LNX1: variants seen among roughly 807,000 people sequenced by gnomAD.
The protein encoded by LNX1 is ligand of numb-protein X 1.
Under a neutral mutation model 68.4 loss-of-function variants are expected in LNX1, and 54 were observed. That is an observed-to-expected ratio of 0.79 (90% CI 0.63 to 0.99). The LOEUF (loss-of-function observed/expected upper bound fraction) is 0.99, where lower values mean the gene tolerates loss of function less well. LNX1 is among the 50% of genes least tolerant of loss of function. The pLI is 0.00. For missense variants in LNX1, 906 were observed against 926.4 expected (o/e 0.98, Z 0.29); for synonymous variants, 336 against 350.0 (o/e 0.96, Z 0.45).
chr4:53,619,371 C>A (rs148463575), upstream of LNX1, among the ~76,000 whole-genome samples: 234 of 152,256 alleles, frequency 1.5e-3, 1 homozygote, highest in African/African-American at 5.4e-3. Context: ...CTTTTCCCAG[C>A]CCTGGCAATC....
chr4:53,508,512 G>A, intron 2 of LNX1: 1 of 381,594 alleles, frequency 2.6e-6, no homozygotes, highest in South Asian at 3.4e-5. Context: ...AGGTCACCAT[G>A]GTGTCTACAT....
At chr4:53,468,989 C>T (rs1437433298) in intron 9 of LNX1, among the ~76,000 whole-genome samples, 2 of 152,146 alleles carry the variant, frequency 1.3e-5, no homozygotes, top group Non-Finnish European at 2.9e-5. Context: ...ACCAAGCAGA[C>T]CTAATAGACA....
At chr4:53,635,290 G>A (rs1287738697) in intron 1 of LNX1, among the ~76,000 whole-genome samples, 4 of 152,314 alleles carry the variant, frequency 2.6e-5, no homozygotes, top group Middle Eastern at 3.4e-3. Context: ...AAGCACTGAC[G>A]TTGTTTGAAC....
intron 2 of LNX1, 47 bp from the exon 3 acceptor site, chr4:53,508,274 G>A: frequency 6.3e-7 from 1 of 1,595,224 alleles, no homozygotes; most frequent in Non-Finnish European, 8.6e-7. Flanking sequence ...TGGCTCTGCT[G>A]CCATTCCTCA....
chr4:53,645,398 C>A (rs1734847844), intron 1 of LNX1, among the ~76,000 whole-genome samples: 1 of 152,136 alleles, frequency 6.6e-6, no homozygotes, highest in Non-Finnish European at 1.5e-5. Flanking sequence ...CTGTTCTCAG[C>A]ATTAAGTTGT....
upstream of LNX1, among the ~76,000 whole-genome samples, chr4:53,621,372 T>C (rs1309212641): frequency 6.6e-6 from 1 of 152,196 alleles, no homozygotes; most frequent in Non-Finnish European, 1.5e-5. Flanking sequence ...CCTGTGCATC[T>C]TCAGTACTAG....
At chr4:53,601,859 C>T (rs940355691) in intron 2 of LNX1, among the ~76,000 whole-genome samples, 1 of 152,146 alleles carries the variant, frequency 6.6e-6, no homozygotes, top group Admixed American at 6.5e-5. Context: ...CCAGTCATCT[C>T]AAAGTCAAAC....
chr4:53,472,782 T>TA (rs1723320404), intron 9 of LNX1, among the ~76,000 whole-genome samples: 2 of 145,290 alleles, frequency 1.4e-5, no homozygotes, highest in East Asian at 4.1e-4. Context: ...AAAGCAGATA[T>TA]AGAGGCCAAG....
intron 1 of LNX1, among the ~76,000 whole-genome samples, chr4:53,625,551 C>G (rs1416839478): frequency 7.2e-5 from 11 of 152,152 alleles, no homozygotes; most frequent in Admixed American, 7.2e-4. Context: ...AATCCCAGCA[C>G]TTTGGGAGGC....
intron 2 of LNX1, among the ~76,000 whole-genome samples, chr4:53,533,321 C>T (rs1412669321): frequency 6.6e-6 from 1 of 152,198 alleles, no homozygotes; most frequent in East Asian, 1.9e-4. Flanking sequence ...GCCCCATTCT[C>T]CCTTTAGCAA....
intron 2 of LNX1, among the ~76,000 whole-genome samples, chr4:53,519,871 T>A (rs902494903): frequency 6.6e-6 from 1 of 152,188 alleles, no homozygotes; most frequent in African/African-American, 2.4e-5. Context: ...ACCAACCATC[T>A]CAGATTGCCC....
intron 6 of LNX1, among the ~76,000 whole-genome samples, chr4:53,495,759 G>A (rs1342425323): frequency 6.6e-6 from 1 of 152,108 alleles, no homozygotes; most frequent in African/African-American, 2.4e-5. Flanking sequence ...GGCCAGGCTG[G>A]CCTTGAACTC....
At chr4:53,623,760 T>C (rs2668521) in intron 1 of LNX1, among the ~76,000 whole-genome samples, 108,707 of 151,634 alleles carry the variant, frequency 0.72, 39,534 homozygotes, top group East Asian at 0.91. Context: ...CACTAGCAAC[T>C]TGATTAGGTA....
At chr4:53,623,221 T>TA (rs1553944667) in intron 1 of LNX1, among the ~76,000 whole-genome samples, 1 of 151,244 alleles carries the variant, frequency 6.6e-6, no homozygotes, top group Admixed American at 6.6e-5. Context: ...TTTTTTTTTT[T>TA]AGGATGGAGT....
At chr4:53,558,217 G>A in intron 2 of LNX1, 2 of 1,274,156 alleles carry the variant, frequency 1.6e-6, no homozygotes, top group Non-Finnish European at 2.0e-6. Context: ...AGCTTAGGCT[G>A]AGAGCAGGCA....
intron 2 of LNX1, among the ~76,000 whole-genome samples, chr4:53,538,059 A>G (rs1345639029): frequency 6.6e-6 from 1 of 152,266 alleles, no homozygotes; most frequent in African/African-American, 2.4e-5. Context: ...TGAAATTTAC[A>G]TAGCAATTGG....
At chr4:53,461,330 C>A in intron 10 of LNX1, 105 bp downstream of exon 10, 1 of 918,280 alleles carries the variant, frequency 1.1e-6, no homozygotes, top group East Asian at 2.4e-5. Context: ...ACTTTTAATC[C>A]CCACAAAGTA....
At chr4:53,626,001 T>C (rs1056203639) in intron 1 of LNX1, among the ~76,000 whole-genome samples, 1 of 152,076 alleles carries the variant, frequency 6.6e-6, no homozygotes, top group Non-Finnish European at 1.5e-5. Flanking sequence ...TTCCACCAAC[T>C]GGTGAATGAA....
chr4:53,640,718 C>T (rs1328139840), intron 1 of LNX1, among the ~76,000 whole-genome samples: 2 of 152,186 alleles, frequency 1.3e-5, no homozygotes, highest in African/African-American at 4.8e-5. Context: ...CTGTGCCTAG[C>T]TGGTTTGCAA....
Sources: gnomAD v4.1 joint callset for allele counts (sites outside exome capture counted in the v4.1 genomes callset) on GRCh38, gnomAD v4.1.1 for gene constraint, MANE v1.5 for transcripts, NCBI Gene and HGNC (gene_info 2026-07-23, HGNC 2026-07-21) for gene names.